The following PARVB variants were observed in gnomAD, a reference collection of about 807,000 sequenced individuals.
PARVB encodes beta-parvin.
PARVB carries 46 observed loss-of-function variants against 47.0 expected under a neutral mutation model. The observed-to-expected ratio is 0.98, with a 90% CI of 0.77 to 1.25. The LOEUF (loss-of-function observed/expected upper bound fraction) is 1.25, where lower values mean the gene tolerates loss of function less well. Ranked by LOEUF, PARVB falls within the 50% of genes most tolerant of loss-of-function variation. The pLI, the probability that PARVB is intolerant of heterozygous loss-of-function variation, is 0.00. For synonymous variants in PARVB, 196 were observed against 196.3 expected, an observed-to-expected ratio of 1.00 and a Z score of 0.01; for missense variants, 473 against 471.6, an observed-to-expected ratio of 1.00 and a Z score of -0.03.
At chr22:44,100,401 A>G (rs1041685792) in intron 3 of PARVB, among the ~76,000 whole-genome samples, 1 of 152,008 alleles carries the variant, frequency 6.6e-6, no homozygotes, top group African/African-American at 2.4e-5. Context: ...GGATTTTAGG[A>G]TTAGGAATGA....
chr22:44,073,775 C>T (rs532817441), intron 1 of PARVB, among the ~76,000 whole-genome samples: 16 of 152,368 alleles, frequency 1.1e-4, no homozygotes, highest in Middle Eastern at 3.4e-3. Context: ...GCCAAGGCAG[C>T]GGTTCTGGGA....
intron 11 of PARVB, among the ~76,000 whole-genome samples, chr22:44,159,598 C>T (rs1048057369): frequency 6.6e-6 from 1 of 152,244 alleles, no homozygotes; most frequent in Non-Finnish European, 1.5e-5. Flanking sequence ...GGCTGGAACA[C>T]TCTCCTTCGG....
chr22:44,130,481 C>G (rs1042958059), intron 4 of PARVB, among the ~76,000 whole-genome samples: 21 of 152,192 alleles, frequency 1.4e-4, no homozygotes, highest in African/African-American at 4.8e-4. Flanking sequence ...GTAATTGAAT[C>G]TTGATGAAAT....
chr22:44,159,852 C>G (rs983186824), intron 11 of PARVB, among the ~76,000 whole-genome samples: 1 of 152,180 alleles, frequency 6.6e-6, no homozygotes, highest in Non-Finnish European at 1.5e-5. Flanking sequence ...TTGCTAATGT[C>G]TCCTGTGGGC....
chr22:44,065,849 G>A (rs1461553554), intron 1 of PARVB, among the ~76,000 whole-genome samples: 1 of 139,486 alleles, frequency 7.2e-6, no homozygotes, highest in Non-Finnish European at 1.6e-5. Context: ...CATGGTGTGT[G>A]TGTGTGTGCA....
chr22:44,020,142 A>G (rs545675359), upstream of PARVB, among the ~76,000 whole-genome samples: 3 of 149,876 alleles, frequency 2.0e-5, no homozygotes, highest in South Asian at 2.1e-4. Flanking sequence ...AAGATCCCAC[A>G]GGGTGAGGGC....
chr22:44,122,534 GAGAGAGAGAGAGAGAGAGAC>G (rs2053081966), intron 4 of PARVB, among the ~76,000 whole-genome samples: 7 of 96,886 alleles, frequency 7.2e-5, no homozygotes, highest in South Asian at 3.1e-4. Flanking sequence ...GAGACAGAGA[GAGAGAGAGAGAGAGAGAGAC>G]ACAGAGACAG....
chr22:44,067,827 C>T (rs774231348), intron 1 of PARVB, among the ~76,000 whole-genome samples: 5 of 152,194 alleles, frequency 3.3e-5, no homozygotes, highest in South Asian at 2.1e-4. Context: ...GCTGGGGACT[C>T]GCATCGGCAT....
chr22:44,112,688 A>G (rs2052729938), intron 3 of PARVB: 2 of 74,202 alleles, frequency 2.7e-5, no homozygotes, highest in African/African-American at 6.8e-5. Flanking sequence ...ACCAACACGG[A>G]TACATTGTTA....
chr22:44,141,544 G>A (rs2053552403), intron 8 of PARVB: 1 of 152,210 alleles, frequency 6.6e-6, no homozygotes, highest in South Asian at 2.1e-4. Flanking sequence ...ATTAAGGGTG[G>A]TCTGCCTTTT....
chr22:44,067,501 C>A (rs118122712), intron 1 of PARVB, among the ~76,000 whole-genome samples: 2 of 152,254 alleles, frequency 1.3e-5, no homozygotes, highest in Non-Finnish European at 2.9e-5. Flanking sequence ...GGAAGACCCT[C>A]CCTTGCCCCA....
intron 2 of PARVB, chr22:44,009,409 A>G (rs1603422219): frequency 6.7e-6 from 1 of 149,496 alleles, no homozygotes; most frequent in South Asian, 2.1e-4. Context: ...ATCAGTTTTG[A>G]AATCAGTTTT....
chr22:44,087,863 T>C (rs1310985204), intron 1 of PARVB, among the ~76,000 whole-genome samples: 5 of 146,348 alleles, frequency 3.4e-5, no homozygotes, highest in Non-Finnish European at 7.5e-5. Context: ...TTTTTTTTTT[T>C]CTTTTTTCTT....
intron 3 of PARVB, among the ~76,000 whole-genome samples, chr22:44,101,335 G>T (rs951604023): frequency 6.6e-6 from 1 of 151,952 alleles, no homozygotes; most frequent in Admixed American, 6.6e-5. Flanking sequence ...CATGAACCCC[G>T]GGGGGCGGAG....
chr22:44,113,154 AGC>A (rs1431307389), intron 3 of PARVB: 1 of 112,548 alleles, frequency 8.9e-6, no homozygotes, highest in African/African-American at 4.6e-5. Flanking sequence ...GCCCTGCACC[AGC>A]ACAGATACAT....
intron 1 of PARVB, among the ~76,000 whole-genome samples, chr22:44,087,846 G>T (rs369264829): frequency 5.6e-4 from 68 of 121,230 alleles, no homozygotes; most frequent in East Asian, 5.4e-3. Context: ...GAACGATGGT[G>T]TTTTTTTTTT....
intron 2 of PARVB, among the ~76,000 whole-genome samples, chr22:44,016,775 T>C (rs975372304): frequency 1.3e-5 from 2 of 152,164 alleles, no homozygotes; most frequent in East Asian, 1.9e-4. Context: ...GGTGTGGAAT[T>C]TTCCACTTTT....
At chr22:44,111,743 A>G (rs2052704147) in intron 3 of PARVB, 1 of 151,936 alleles carries the variant, frequency 6.6e-6, no homozygotes, top group African/African-American at 2.4e-5. Context: ...CCGCTGCCCC[A>G]GGCAAACCCA....
intron 8 of PARVB, 24 bp from the exon 9 acceptor site, chr22:44,147,837 G>T: frequency 6.2e-7 from 1 of 1,611,286 alleles, no homozygotes; most frequent in Non-Finnish European, 8.5e-7. Flanking sequence ...ACGCTCCTTC[G>T]TGTCTCTCTT....
Sources: allele counts gnomAD v4.1 joint callset (sites outside exome capture counted in the v4.1 genomes callset), GRCh38; gene constraint gnomAD v4.1.1; transcripts MANE v1.5; gene names NCBI Gene and HGNC (gene_info 2026-07-23, HGNC 2026-07-21).